AFAP1: variants seen among roughly 807,000 people sequenced by gnomAD.
AFAP1 encodes the protein actin filament-associated protein 1.
AFAP1 carries 75 observed loss-of-function variants against 93.9 expected under a neutral mutation model. The ratio of observed to expected loss-of-function variants is 0.80; its 90% confidence interval spans 0.66 to 0.97. The LOEUF is 0.97. Ranked by LOEUF, AFAP1 falls within the 50% of genes least tolerant of loss-of-function variation. The probability of loss-of-function intolerance (pLI) is 0.00; values close to 1 mark genes in which losing one functional copy is unlikely to be tolerated. For synonymous variants in AFAP1, 517 were observed against 430.7 expected (o/e 1.20, Z -2.48); for missense variants, 1,201 against 1,050.8 (o/e 1.14, Z -1.98).
At chr4:7,792,308 CG>C (rs1560161082) in intron 11 of AFAP1, among the ~76,000 whole-genome samples, 2 of 152,094 alleles carry the variant, frequency 1.3e-5, no homozygotes, top group Admixed American at 6.6e-5. Context: ...TGACTTCTGC[CG>C]ATCTTTCAAA....
rs374515111 is a variant in AFAP1, at chr4:7,847,167, G to A, written c.335-3817C>T. ...GTATGCTTAGCAATGACCCAAACAAGAGAACTCTCTGGAAAGTATGCTTAG... is the reference window on the plus strand; with the variant it reads ...GTATGCTTAGCAATGACCCAAACAAAAGAACTCTCTGGAAAGTATGCTTAG... On this transcript the variant is annotated intron_variant, in intron 4 of 17. Coordinates refer to ENST00000420658, the MANE Select transcript of AFAP1 (RefSeq NM_001134647.2). 2.0e-5 allele frequency among the ~76,000 whole-genome samples: 3 copies of A among 152,130 alleles called. No individual in the cohort carries two copies. In the East Asian group the frequency reaches 5.8e-4, roughly 29 times the overall value.
At chr4:7,855,196 C>T (rs1005590808) in intron 4 of AFAP1, among the ~76,000 whole-genome samples, 2 of 152,216 alleles carry the variant, frequency 1.3e-5, no homozygotes, top group Non-Finnish European at 2.9e-5. Context: ...ATTTCTCTTC[C>T]GCACTGCTGA....
At chr4:7,911,311 G>T (rs544592225) in intron 1 of AFAP1, among the ~76,000 whole-genome samples, 2 of 152,318 alleles carry the variant, frequency 1.3e-5, no homozygotes, top group East Asian at 3.9e-4. Flanking sequence ...CCGGAGGGGG[G>T]AAGGGTCCTC....
chr4:7,895,507 T>A (rs1487252722), intron 1 of AFAP1, among the ~76,000 whole-genome samples: 1 of 152,198 alleles, frequency 6.6e-6, no homozygotes, highest in Admixed American at 6.5e-5. Flanking sequence ...ACATAGTAAG[T>A]GCTCAAAATC....
chr4:7,909,216 C>T (rs973066989), intron 1 of AFAP1, among the ~76,000 whole-genome samples: 1 of 152,192 alleles, frequency 6.6e-6, no homozygotes. Flanking sequence ...CATATTTGCA[C>T]AATCCTGTTA....
At chr4:7,908,908 G>A (rs1194759696) in intron 1 of AFAP1, among the ~76,000 whole-genome samples, 1 of 143,058 alleles carries the variant, frequency 7.0e-6, no homozygotes, top group Non-Finnish European at 1.5e-5. Context: ...CACGTGCTTA[G>A]TGTAGGAAGT....
intron 4 of AFAP1, among the ~76,000 whole-genome samples, chr4:7,853,692 C>G (rs181665847): frequency 1.3e-5 from 2 of 152,204 alleles, no homozygotes; most frequent in African/African-American, 4.8e-5. Context: ...CCATAACCCA[C>G]GCAGGTTTCA....
chr4:7,768,156 G>A (rs1714882689), intron 17 of AFAP1, among the ~76,000 whole-genome samples: 1 of 152,242 alleles, frequency 6.6e-6, no homozygotes, highest in Non-Finnish European at 1.5e-5. Context: ...GCCCCTCGGG[G>A]CGGGGCCGGC....
At chr4:7,901,106 C>T (rs1481159603) in intron 1 of AFAP1, among the ~76,000 whole-genome samples, 2 of 152,162 alleles carry the variant, frequency 1.3e-5, no homozygotes, top group African/African-American at 2.4e-5. Flanking sequence ...GTGTTGAATG[C>T]AGTTTGGGAC....
chr4:7,806,396 CT>C (rs1719518894), intron 9 of AFAP1, among the ~76,000 whole-genome samples: 1 of 152,062 alleles, frequency 6.6e-6, no homozygotes, highest in South Asian at 2.1e-4. Flanking sequence ...CAGCTCTGTC[CT>C]GCATTTAGGG....
At chr4:7,936,143 C>T (rs1721368873) in intron 1 of AFAP1, among the ~76,000 whole-genome samples, 1 of 152,068 alleles carries the variant, frequency 6.6e-6, no homozygotes, top group Admixed American at 6.6e-5. Flanking sequence ...CAGTAGCTCA[C>T]GACTTGACCA....
chr4:7,891,980 G>A (rs966622950), intron 1 of AFAP1, among the ~76,000 whole-genome samples: 1 of 152,120 alleles, frequency 6.6e-6, no homozygotes, highest in Non-Finnish European at 1.5e-5. Flanking sequence ...CTTGAACCCG[G>A]GAAGCGGAGG....
At chr4:7,809,822 A>G (rs560560936) in intron 8 of AFAP1, 59 bp from the exon 9 acceptor site, 1 of 1,557,022 alleles carries the variant, frequency 6.4e-7, no homozygotes, top group South Asian at 1.2e-5. Flanking sequence ...AATTGAAAAA[A>G]AAAACATACA....
chr4:7,897,035 A>G (rs1478952398), intron 1 of AFAP1, among the ~76,000 whole-genome samples: 1 of 150,434 alleles, frequency 6.6e-6, no homozygotes, highest in East Asian at 2.0e-4. Flanking sequence ...TGGTCTAGAG[A>G]CTCTTTTCTT....
At position 7,809,734 on chromosome 4, in the gene AFAP1, C is replaced by A; in HGVS notation, c.934G>T (p.Ala312Ser). 1.2e-6 allele frequency: 2 copies of A among 1,613,816 alleles called. No individual in the cohort carries two copies. The highest frequency in any genetic ancestry group is 1.7e-6 in the Non-Finnish European group (2 of 1,179,890). The change falls in exon 9 of 18, where the codon GCC becomes TCC. Residue 312 changes from alanine to serine, a missense_variant. Coordinates refer to ENST00000420658, the MANE Select transcript of AFAP1 (RefSeq NM_001134647.2). ...GTGACTTTCGACACAGTGCCCTTGG[C>A]CTCTGATTTGGAACTTTTCTTCCTC... ...VKRKKSSKSE[A>S]KGTVSKVTGK... is the part of the protein sequence containing the mutation.
intron 9 of AFAP1, among the ~76,000 whole-genome samples, chr4:7,806,486 T>C (rs762404448): frequency 1.3e-4 from 20 of 152,162 alleles, no homozygotes; most frequent in Non-Finnish European, 2.5e-4. Context: ...AGCTCTGTCC[T>C]ATGGGCTCAG....
intron 6 of AFAP1, among the ~76,000 whole-genome samples, chr4:7,827,695 G>A (rs1721558492): frequency 6.6e-6 from 1 of 151,296 alleles, no homozygotes; most frequent in Admixed American, 6.6e-5. Flanking sequence ...AACCAACCCT[G>A]AGAAAGAGAA....
intron 1 of AFAP1, among the ~76,000 whole-genome samples, chr4:7,892,447 G>C (rs960579660): frequency 6.6e-6 from 1 of 152,176 alleles, no homozygotes; most frequent in African/African-American, 2.4e-5. Context: ...TCCCCAAGGA[G>C]ACACTGGGGG....
chr4:7,837,821 C>G (rs1397022762), intron 6 of AFAP1, among the ~76,000 whole-genome samples: 8 of 152,158 alleles, frequency 5.3e-5, no homozygotes, highest in Admixed American at 5.2e-4. Context: ...GAGTTTGAGA[C>G]CAGCCTGGGC....
Sources: gnomAD v4.1 joint callset for allele counts (sites outside exome capture counted in the v4.1 genomes callset) on GRCh38, gnomAD v4.1.1 for gene constraint, MANE v1.5 for transcripts, NCBI Gene and HGNC (gene_info 2026-07-23, HGNC 2026-07-21) for gene names.